The following CALN1 variants were observed in gnomAD, a reference collection of about 807,000 sequenced individuals.
The protein encoded by CALN1 is calneuron 1.
Under a neutral mutation model 30.6 loss-of-function variants are expected in CALN1, and 17 were observed. The observed-to-expected ratio is 0.56, with a 90% CI of 0.38 to 0.83. CALN1 has a LOEUF of 0.83. Among genes scored for constraint, CALN1 ranks in the 40% least tolerant of loss-of-function variants. CALN1 has a pLI of 0.00. For missense variants in CALN1, 291 were observed against 354.9 expected (o/e 0.82, Z 1.45); for synonymous variants, 156 against 131.4 (o/e 1.19, Z -1.28).
intron 2 of CALN1, among the ~76,000 whole-genome samples, chr7:72,313,333 AT>A (rs1237886718): frequency 1.3e-5 from 2 of 152,222 alleles, no homozygotes; most frequent in African/African-American, 4.8e-5. Context: ...TTGGAAAAAA[AT>A]AACAATAAAG....
intron 2 of CALN1, among the ~76,000 whole-genome samples, chr7:72,306,636 G>GA (rs927419034): frequency 9.1e-5 from 12 of 131,888 alleles, no homozygotes; most frequent in East Asian, 2.5e-4. Context: ...AAAAAAAGAA[G>GA]AAAAAAAAAG....
intron 5 of CALN1, among the ~76,000 whole-genome samples, chr7:71,824,231 T>C (rs1788777901): frequency 6.6e-6 from 1 of 151,634 alleles, no homozygotes; most frequent in Non-Finnish European, 1.5e-5. Flanking sequence ...GTTTTCTGAA[T>C]GACTAAACCT....
chr7:72,201,597 G>C (rs1008509434), intron 3 of CALN1, among the ~76,000 whole-genome samples: 6 of 151,290 alleles, frequency 4.0e-5, no homozygotes, highest in Non-Finnish European at 8.8e-5. Context: ...GAAAAAAAAA[G>C]AAAGAAAAAA....
intron 3 of CALN1, among the ~76,000 whole-genome samples, chr7:72,127,836 A>C (rs1808873520): frequency 6.6e-6 from 1 of 152,222 alleles, no homozygotes; most frequent in Admixed American, 6.5e-5. Flanking sequence ...TTCAGAGCAA[A>C]TCTTAAATGC....
intron 3 of CALN1, among the ~76,000 whole-genome samples, chr7:72,275,951 A>G (rs933528717): frequency 2.0e-5 from 3 of 152,178 alleles, no homozygotes; most frequent in African/African-American, 7.2e-5. Context: ...CAGTTGCCTT[A>G]GCAGAGCTTG....
chr7:72,312,195 G>A (rs1213766757), intron 2 of CALN1, among the ~76,000 whole-genome samples: 1 of 152,092 alleles, frequency 6.6e-6, no homozygotes, highest in Non-Finnish European at 1.5e-5. Flanking sequence ...CTTGATGTCA[G>A]GAGTTCGAGA....
At chr7:72,048,437 A>G (rs1037833262) in intron 4 of CALN1, among the ~76,000 whole-genome samples, 1 of 152,138 alleles carries the variant, frequency 6.6e-6, no homozygotes, top group Non-Finnish European at 1.5e-5. Context: ...TGACATGATA[A>G]AGAAATAACA....
intron 4 of CALN1, among the ~76,000 whole-genome samples, chr7:72,047,422 T>C (rs895172590): frequency 1.3e-5 from 2 of 152,006 alleles, no homozygotes; most frequent in Non-Finnish European, 2.9e-5. Flanking sequence ...ACCCCATCTC[T>C]ACAAAACAAA....
rs71069057 is a variant in CALN1, at chr7:72,318,704, C to CTTTT, written c.120-39898_120-39895dup. 3.8e-3 allele frequency among the ~76,000 whole-genome samples: 275 copies of CTTTT among 72,016 alleles called. 28 individuals are homozygous for CTTTT. Among genetic ancestry groups the CTTTT allele is most frequent in the African/African-American group, 0.014 (209 of 15,224 alleles). The allele number at this position is 72,016 out of a possible 152,430, so 47.2% of individuals were successfully genotyped here. A position where few individuals can be genotyped will look rare whatever the true frequency, so the allele number is the denominator to read the frequency against. On this transcript the variant is annotated intron_variant, in intron 2 of 6. Transcript: ENST00000395275. ...CACAGGCATGCACCACCATGTGTAG[C>CTTTT]TTTTTTTTTTTTTTTTTTTTTTTTT...
At chr7:72,318,295 G>A (rs918104828) in intron 2 of CALN1, among the ~76,000 whole-genome samples, 8 of 147,356 alleles carry the variant, frequency 5.4e-5, no homozygotes, top group East Asian at 1.9e-4. Flanking sequence ...GAAAGAAGTC[G>A]CTCATTTGAC....
rs10225199 is a variant in CALN1, at chr7:71,783,981, C to G, written c.*3794G>C. 22,760 of 152,222 alleles carry G rather than the reference C, an allele frequency of 0.15. 1,979 individuals carry two copies. Among genetic ancestry groups the G allele is most frequent in the Middle Eastern group, 0.21 (63 of 294 alleles). 9.4% of individuals were successfully genotyped at this position (152,222 alleles called of 1,614,324 possible). A position where few individuals can be genotyped will look rare whatever the true frequency, so the allele number is the denominator to read the frequency against. ...ACATTTCTGAAACCACTGGGTTTGC[C>G]TAAGACCACACCTAAACCTCAGTTC... On this transcript the variant is annotated 3_prime_UTR_variant, in exon 7 of 7. Coordinates refer to ENST00000395275, the MANE Select transcript of CALN1 (RefSeq NM_031468.4).
chr7:72,389,939 A>G (rs918956444), intron 2 of CALN1, among the ~76,000 whole-genome samples: 1 of 147,268 alleles, frequency 6.8e-6, no homozygotes, highest in Non-Finnish European at 1.5e-5. Flanking sequence ...AAAAAAAAAA[A>G]GAAGAAAGAA....
intron 4 of CALN1, among the ~76,000 whole-genome samples, chr7:72,094,695 A>C (rs1283232457): frequency 6.6e-6 from 1 of 152,206 alleles, no homozygotes; most frequent in Non-Finnish European, 1.5e-5. Context: ...ACTGTAGAAG[A>C]CAGACTTGCT....
At chr7:71,840,497 A>G in intron 5 of CALN1, among the ~76,000 whole-genome samples, 1 of 151,130 alleles carries the variant, frequency 6.6e-6, no homozygotes, top group African/African-American at 2.4e-5. Flanking sequence ...AAAAAAAAAA[A>G]AAAAAAAAAA....
chr7:71,988,983 T>G (rs2129527678), intron 5 of CALN1, among the ~76,000 whole-genome samples: 1 of 152,304 alleles, frequency 6.6e-6, no homozygotes, highest in South Asian at 2.1e-4. Flanking sequence ...GTAAGTTTAT[T>G]TGCCTCAAAG....
At chr7:71,923,720 T>TC (rs1247825324) in intron 5 of CALN1, among the ~76,000 whole-genome samples, 1 of 152,136 alleles carries the variant, frequency 6.6e-6, no homozygotes, top group African/African-American at 2.4e-5. Context: ...GAAAGTGCCC[T>TC]CCTAAGGATG....
chr7:72,247,689 G>A (rs1025786839), intron 3 of CALN1, among the ~76,000 whole-genome samples: 1 of 152,160 alleles, frequency 6.6e-6, no homozygotes, highest in Admixed American at 6.5e-5. Flanking sequence ...AAAGTTAGTG[G>A]CTTAGAACTA....
chr7:72,054,434 TATATATATATATAC>T (rs1803062405), intron 4 of CALN1, among the ~76,000 whole-genome samples: 5 of 1,764 alleles, frequency 2.8e-3, no homozygotes, highest in African/African-American at 0.011. Context: ...TATATACACG[TATATATATATATAC>T]ATATATATAC....
intron 1 of CALN1, among the ~76,000 whole-genome samples, chr7:72,408,044 G>A (rs1041484083): frequency 6.6e-6 from 1 of 152,120 alleles, no homozygotes; most frequent in South Asian, 2.1e-4. Flanking sequence ...TTAGGCGCAG[G>A]CAGGAGCAAC....
Sources: allele counts gnomAD v4.1 joint callset (sites outside exome capture counted in the v4.1 genomes callset), GRCh38; gene constraint gnomAD v4.1.1; transcripts MANE v1.5; gene names NCBI Gene and HGNC (gene_info 2026-07-23, HGNC 2026-07-21).